The following LRRC72 variants were observed in gnomAD, a reference collection of about 807,000 sequenced individuals.
LRRC72 encodes leucine-rich repeat-containing protein 72.
LRRC72 carries 41 observed loss-of-function variants against 35.8 expected under a neutral mutation model. The ratio of observed to expected loss-of-function variants is 1.15; its 90% CI spans 0.89 to 1.49. The LOEUF (loss-of-function observed/expected upper bound fraction) is 1.49, where lower values mean the gene tolerates loss of function less well. Among genes scored for constraint, LRRC72 ranks in the 40% most tolerant of loss-of-function variants. LRRC72 has a pLI of 0.00. For synonymous variants in LRRC72, 118 were observed against 119.2 expected (o/e 0.99, Z 0.07); for missense variants, 389 against 330.7 (o/e 1.18, Z -1.37).
At chr7:16,575,907 T>TAGG (rs1478332159) in intron 7 of LRRC72, among the ~76,000 whole-genome samples, 1 of 152,206 alleles carries the variant, frequency 6.6e-6, no homozygotes, top group Non-Finnish European at 1.5e-5. Flanking sequence ...TCCCTACCTT[T>TAGG]AGGGATCTAC....
chr7:16,576,301 T>A (rs538819447), intron 7 of LRRC72, among the ~76,000 whole-genome samples: 7 of 152,334 alleles, frequency 4.6e-5, no homozygotes, highest in Non-Finnish European at 7.4e-5. Flanking sequence ...TTTGTTTTTT[T>A]ATAAATCTTA....
At chr7:16,574,635 C>A (rs957163658) in intron 7 of LRRC72, among the ~76,000 whole-genome samples, 2 of 151,774 alleles carry the variant, frequency 1.3e-5, no homozygotes, top group Non-Finnish European at 2.9e-5. Flanking sequence ...ACATCACACA[C>A]TGGGGCCTGT....
intron 3 of LRRC72, among the ~76,000 whole-genome samples, chr7:16,553,151 G>C (rs888130577): frequency 6.6e-5 from 10 of 152,042 alleles, no homozygotes; most frequent in Non-Finnish European, 1.3e-4. Flanking sequence ...GAAATACTAG[G>C]AATAAATTGA....
At chr7:16,546,306 G>A (rs1028556471) in intron 3 of LRRC72, among the ~76,000 whole-genome samples, 8 of 151,844 alleles carry the variant, frequency 5.3e-5, no homozygotes, top group Middle Eastern at 3.2e-3. Flanking sequence ...TTGCCCCTAC[G>A]GTTTTTCAAC....
chr7:16,530,623 T>G (rs927761394), intron 1 of LRRC72: 1 of 152,246 alleles, frequency 6.6e-6, no homozygotes, highest in Admixed American at 6.5e-5. Flanking sequence ...ACATGTCAAT[T>G]TAACCTGCAT....
chr7:16,562,637 A>G (rs1782762997), intron 5 of LRRC72, among the ~76,000 whole-genome samples: 1 of 152,162 alleles, frequency 6.6e-6, no homozygotes, highest in Admixed American at 6.5e-5. Flanking sequence ...TGTCTTCAGC[A>G]GTGGCCCCAA....
At chr7:16,535,608 C>A (rs1782240329) in intron 2 of LRRC72, among the ~76,000 whole-genome samples, 1 of 152,064 alleles carries the variant, frequency 6.6e-6, no homozygotes, top group Admixed American at 6.6e-5. Context: ...TATGACTTTC[C>A]AATTATAAAA....
At chr7:16,537,995 C>A (rs749336924) in intron 3 of LRRC72, among the ~76,000 whole-genome samples, 5 of 152,132 alleles carry the variant, frequency 3.3e-5, no homozygotes, top group Admixed American at 6.5e-5. Flanking sequence ...TACTTGGGCT[C>A]CTGAAAGAAA....
intron 3 of LRRC72, among the ~76,000 whole-genome samples, chr7:16,549,101 T>C (rs1006904218): frequency 6.6e-6 from 1 of 152,212 alleles, no homozygotes; most frequent in African/African-American, 2.4e-5. Flanking sequence ...TACAATATTT[T>C]CATTTTGTCA....
At chr7:16,579,782 C>T (rs1783108393) in intron 7 of LRRC72, among the ~76,000 whole-genome samples, 1 of 152,062 alleles carries the variant, frequency 6.6e-6, no homozygotes, top group Admixed American at 6.6e-5. Context: ...CACTTGGATT[C>T]CATTGGTACA....
chr7:16,528,634 A>C (rs367786981), intron 1 of LRRC72, among the ~76,000 whole-genome samples: 21 of 152,170 alleles, frequency 1.4e-4, no homozygotes, highest in Admixed American at 5.9e-4. Flanking sequence ...ATTAGCTGGC[A>C]GACTTTGTTT....
chr7:16,535,276 AG>A (rs1782234091), intron 2 of LRRC72, among the ~76,000 whole-genome samples: 1 of 152,186 alleles, frequency 6.6e-6, no homozygotes, highest in Non-Finnish European at 1.5e-5. Flanking sequence ...CATATCAAAG[AG>A]ACACACAATT....
At chr7:16,569,357 C>T (rs527729434) in intron 7 of LRRC72, among the ~76,000 whole-genome samples, 11 of 151,864 alleles carry the variant, frequency 7.2e-5, no homozygotes, top group South Asian at 2.1e-4. Flanking sequence ...ACCTGGGAGG[C>T]GGAGGTTGCA....
intron 2 of LRRC72, among the ~76,000 whole-genome samples, chr7:16,535,666 A>G (rs923181071): frequency 7.2e-5 from 11 of 152,170 alleles, no homozygotes; most frequent in African/African-American, 2.7e-4. Flanking sequence ...TCTTAACCAA[A>G]TGACTGAATT....
intron 7 of LRRC72, among the ~76,000 whole-genome samples, chr7:16,571,269 A>G (rs1219885425): frequency 1.3e-5 from 2 of 152,166 alleles, no homozygotes; most frequent in Non-Finnish European, 2.9e-5. Context: ...AAATTTGTTC[A>G]GGCCGTGAGG....
At chr7:16,575,466 G>C (rs1417883910) in intron 7 of LRRC72, among the ~76,000 whole-genome samples, 1 of 152,178 alleles carries the variant, frequency 6.6e-6, no homozygotes, top group Non-Finnish European at 1.5e-5. Flanking sequence ...CCAATAGAGA[G>C]GTGGTAGTAC....
intron 7 of LRRC72, among the ~76,000 whole-genome samples, chr7:16,572,291 C>T (rs1782961047): frequency 6.6e-6 from 1 of 152,190 alleles, no homozygotes; most frequent in African/African-American, 2.4e-5. Flanking sequence ...AGGAACTCCA[C>T]CCTAACTCAT....
At position 16,526,873 on chromosome 7, in the gene LRRC72, A is replaced by G. The variant is rs1583631294; in HGVS notation, c.-80A>G. ...TTGGTAACAGAACAACGAGCTGTGC[A>G]CCAAGCCAAGTCTCTCTTCGGTGCC... On this transcript the variant is annotated 5_prime_UTR_variant, in exon 1 of 9. Coordinates refer to ENST00000401542, the MANE Select transcript of LRRC72 (RefSeq NM_001195280.2). The G allele has an allele frequency of 1.7e-6, 2 of 1,148,504 alleles. No homozygotes were observed. Among genetic ancestry groups the G allele is most frequent in the African/African-American group, 3.1e-5 (2 of 65,382 alleles). The allele number at this position is 1,148,504 out of a possible 1,614,324, so 71.1% of individuals were successfully genotyped here.
intron 3 of LRRC72, among the ~76,000 whole-genome samples, chr7:16,538,974 G>A (rs1374403593): frequency 6.6e-6 from 1 of 152,152 alleles, no homozygotes; most frequent in Non-Finnish European, 1.5e-5. Flanking sequence ...TGTGAAAATG[G>A]ACGAATACAG....
Sources: allele counts gnomAD v4.1 joint callset (sites outside exome capture counted in the v4.1 genomes callset), GRCh38; gene constraint gnomAD v4.1.1; transcripts MANE v1.5; gene names NCBI Gene and HGNC (gene_info 2026-07-23, HGNC 2026-07-21).